The following C1orf87 variants were observed in gnomAD, a reference collection of about 807,000 sequenced individuals.
C1orf87 encodes the protein uncharacterized protein C1orf87.
Under a neutral mutation model 60.5 loss-of-function variants are expected in C1orf87, and 58 were observed. The observed-to-expected ratio is 0.96, with a 90% CI of 0.78 to 1.19. The LOEUF is 1.19. Ranked by LOEUF, C1orf87 falls within the 50% of genes most tolerant of loss-of-function variation. C1orf87 has a pLI of 0.00. For synonymous variants in C1orf87, 236 were observed against 227.4 expected (o/e 1.04, Z -0.34); for missense variants, 673 against 638.6 (o/e 1.05, Z -0.58).
chr1:60,036,453 G>T (rs1336171287), intron 6 of C1orf87, among the ~76,000 whole-genome samples: 1 of 152,158 alleles, frequency 6.6e-6, no homozygotes, highest in Non-Finnish European at 1.5e-5. Context: ...GCAGCTGAAA[G>T]GAGTGTCCTC....
rs199869889 is a variant in C1orf87 at position 59,990,807 on chromosome 1, G to A, written c.1507C>T (p.Arg503Cys). 2.0e-4 allele frequency: 315 copies of A among 1,613,884 alleles called. No individual in the cohort carries two copies. Among genetic ancestry groups the A allele is most frequent in the Non-Finnish European group, 2.5e-4 (295 of 1,179,926 alleles). Residue 503 changes from arginine to cysteine, a missense_variant, in exon 12 of 12, where the codon CGC becomes TGC. Arg to Cys is a radical substitution (Grantham distance 180). Transcript: ENST00000371201. ...ATGAGATTGTAGTTGTGAATGAGGCGTCTGGCTCGTTCCTTCTCCAGAACT... is the reference window on the plus strand; with the variant it reads ...ATGAGATTGTAGTTGTGAATGAGGCATCTGGCTCGTTCCTTCTCCAGAACT... The part of the protein sequence containing the change: ...TGVLEKERAR[R>C]LIHNYNLIYN...
intron 3 of C1orf87, among the ~76,000 whole-genome samples, chr1:60,042,482 GT>G (rs759538126): frequency 2.8e-4 from 43 of 152,304 alleles, no homozygotes; most frequent in Middle Eastern, 3.4e-3. Flanking sequence ...ACCTACAGAT[GT>G]TTTATAGTCA....
At chr1:60,029,099 C>G (rs181096380) in intron 7 of C1orf87, among the ~76,000 whole-genome samples, 6 of 152,208 alleles carry the variant, frequency 3.9e-5, no homozygotes, top group Non-Finnish European at 5.9e-5. Context: ...CTACCCCTCT[C>G]AATTATTCCT....
intron 9 of C1orf87, among the ~76,000 whole-genome samples, chr1:60,006,606 C>T (rs1019896422): frequency 9.6e-6 from 1 of 103,902 alleles, no homozygotes; most frequent in African/African-American, 3.9e-5. Context: ...TCTGCATCCT[C>T]TTCTTCTTCT....
chr1:60,072,241 T>C (rs1338505316), intron 2 of C1orf87, among the ~76,000 whole-genome samples: 1 of 152,170 alleles, frequency 6.6e-6, no homozygotes, highest in Non-Finnish European at 1.5e-5. Context: ...ACAAGCCCGA[T>C]GAGAAAAGGC....
At chr1:60,044,966 T>G (rs1386888886) in intron 3 of C1orf87, among the ~76,000 whole-genome samples, 1 of 152,216 alleles carries the variant, frequency 6.6e-6, no homozygotes, top group Non-Finnish European at 1.5e-5. Context: ...TACTGACTCT[T>G]CTGGGGGTGT....
At chr1:60,026,553 C>A (rs1256090091) in intron 7 of C1orf87, among the ~76,000 whole-genome samples, 3 of 146,952 alleles carry the variant, frequency 2.0e-5, no homozygotes, top group East Asian at 2.0e-4. Context: ...AGAGAGGAAA[C>A]AAGGGAGGGA....
intron 7 of C1orf87, among the ~76,000 whole-genome samples, chr1:60,027,717 A>C (rs113648068): frequency 8.9e-6 from 1 of 111,950 alleles, no homozygotes; most frequent in Non-Finnish European, 2.1e-5. Context: ...AGCTTAAAAG[A>C]GGGGAAAAAA....
At chr1:60,064,622 A>C (rs28787934) in intron 2 of C1orf87, among the ~76,000 whole-genome samples, 44,516 of 89,698 alleles carry the variant, frequency 0.5, 9,380 homozygotes, top group South Asian at 0.59. Flanking sequence ...AAAATATATC[A>C]TATATATAAA....
chr1:60,073,391 T>C (rs1645597108), intron 1 of C1orf87, among the ~76,000 whole-genome samples: 1 of 152,118 alleles, frequency 6.6e-6, no homozygotes, highest in Non-Finnish European at 1.5e-5. Context: ...CTCCAAAGGC[T>C]CCTTCACAGA....
intron 11 of C1orf87, among the ~76,000 whole-genome samples, chr1:59,994,436 C>T (rs1278672685): frequency 6.6e-6 from 1 of 152,096 alleles, no homozygotes; most frequent in Non-Finnish European, 1.5e-5. Flanking sequence ...GGATACTAAT[C>T]CCTTCAGCAT....
chr1:60,054,961 A>G (rs549022926), intron 3 of C1orf87, among the ~76,000 whole-genome samples: 1 of 152,148 alleles, frequency 6.6e-6, no homozygotes, highest in Non-Finnish European at 1.5e-5. Flanking sequence ...GACCAACTCC[A>G]TTGGTTGTCA....
chr1:60,022,109 A>ATTTT (rs60437294), intron 8 of C1orf87, among the ~76,000 whole-genome samples: 18 of 138,154 alleles, frequency 1.3e-4, no homozygotes, highest in Admixed American at 1.0e-3. Context: ...GAGGACTTTG[A>ATTTT]TTTTTTTTTT....
At chr1:60,032,184 C>T (rs1645242944) in intron 7 of C1orf87, among the ~76,000 whole-genome samples, 1 of 152,150 alleles carries the variant, frequency 6.6e-6, no homozygotes, top group African/African-American at 2.4e-5. Context: ...CCTCTGTATA[C>T]CTAGATGAAA....
At chr1:59,999,837 C>T (rs1574293032) in intron 10 of C1orf87, among the ~76,000 whole-genome samples, 1 of 152,096 alleles carries the variant, frequency 6.6e-6, no homozygotes, top group Non-Finnish European at 1.5e-5. Context: ...AATGTTGTTA[C>T]TTCTGTTTTA....
At chr1:60,051,055 A>G (rs1190992506) in intron 3 of C1orf87, among the ~76,000 whole-genome samples, 1 of 152,206 alleles carries the variant, frequency 6.6e-6, no homozygotes, top group African/African-American at 2.4e-5. Context: ...TGGAGGGAAG[A>G]GAATTTTACC....
At chr1:60,012,927 T>G (rs967722082) in intron 8 of C1orf87, among the ~76,000 whole-genome samples, 10 of 152,182 alleles carry the variant, frequency 6.6e-5, no homozygotes, top group Non-Finnish European at 1.5e-4. Context: ...CGCAGTTCCA[T>G]GGACACAGCT....
chr1:60,027,291 T>C (rs1645204911), intron 7 of C1orf87, among the ~76,000 whole-genome samples: 1 of 152,210 alleles, frequency 6.6e-6, no homozygotes, highest in South Asian at 2.1e-4. Flanking sequence ...ACTATTTCCC[T>C]GCTCTAACCA....
chr1:59,993,986 T>C (rs982681151), intron 11 of C1orf87, among the ~76,000 whole-genome samples: 6 of 152,120 alleles, frequency 3.9e-5, no homozygotes, highest in Non-Finnish European at 7.4e-5. Flanking sequence ...CTCGAACTCC[T>C]GACCTCAGGT....
Sources: allele counts gnomAD v4.1 joint callset (sites outside exome capture counted in the v4.1 genomes callset), GRCh38; gene constraint gnomAD v4.1.1; transcripts MANE v1.5; gene names NCBI Gene and HGNC (gene_info 2026-07-23, HGNC 2026-07-21).